MTHFD2L: variants seen among roughly 807,000 people sequenced by gnomAD.
The protein encoded by MTHFD2L is bifunctional methylenetetrahydrofolate dehydrogenase/cyclohydrolase 2, mitochondrial.
MTHFD2L carries 29 observed loss-of-function variants against 34.9 expected under a neutral mutation model. The ratio of observed to expected loss-of-function variants is 0.83; its 90% confidence interval spans 0.62 to 1.13. MTHFD2L has a LOEUF of 1.13. MTHFD2L is among the 50% of genes most tolerant of loss of function. The pLI is 0.00. For missense variants in MTHFD2L, 481 were observed against 446.5 expected, an observed-to-expected ratio of 1.08 and a Z score of -0.70; for synonymous variants, 167 against 155.7, an observed-to-expected ratio of 1.07 and a Z score of -0.54.
intron 6 of MTHFD2L, among the ~76,000 whole-genome samples, chr4:74,229,309 G>A (rs369076958): frequency 1.3e-5 from 2 of 152,140 alleles, no homozygotes; most frequent in South Asian, 4.1e-4. Flanking sequence ...ATAAAGTATT[G>A]CCAGAATGAC....
chr4:74,229,681 C>A (rs922436439), intron 6 of MTHFD2L, among the ~76,000 whole-genome samples: 2 of 152,064 alleles, frequency 1.3e-5, no homozygotes, highest in African/African-American at 4.8e-5. Context: ...TAGTACTACT[C>A]CTACTGGCTT....
chr4:74,127,235 AC>A (rs1722147421), intron 1 of MTHFD2L, among the ~76,000 whole-genome samples: 1 of 152,158 alleles, frequency 6.6e-6, no homozygotes, highest in South Asian at 2.1e-4. Context: ...GATGTACATC[AC>A]CTTAAATACT....
Position 74,174,514 on chromosome 4 carries a change from C to G in MTHFD2L, c.152C>G (p.Ala51Gly), listed in dbSNP as rs1284043241. ...GFRSSGVRHEAIIISGTEMAK... is the reference protein window; with the variant it reads ...GFRSSGVRHEGIIISGTEMAK... ...TGTTTTGCTTTCCACAGACATGAAG[C>G]CATTATTATATCAGGAACCGAAATG... The change falls in exon 2 of 8, where the codon GCC (alanine) becomes GGC (glycine). Residue 51 changes from alanine (A) to glycine (G), a missense_variant. Ala to Gly is a moderately conservative substitution (Grantham distance 60). Coordinates refer to ENST00000325278, the MANE Select transcript of MTHFD2L (RefSeq NM_001144978.3). 6 of 1,538,392 alleles carry G rather than the reference C, an allele frequency of 3.9e-6. No individual in the cohort carries two copies. The highest frequency in any genetic ancestry group is 1.4e-5 in the African/African-American group (1 of 70,840).
chr4:74,282,230 A>G (rs923821805), intron 7 of MTHFD2L, among the ~76,000 whole-genome samples: 1 of 152,068 alleles, frequency 6.6e-6, no homozygotes, highest in African/African-American at 2.4e-5. Context: ...TCTTTGTCAT[A>G]TATTTACCTG....
chr4:74,262,609 A>G (rs1207719997), intron 6 of MTHFD2L, among the ~76,000 whole-genome samples: 2 of 151,998 alleles, frequency 1.3e-5, no homozygotes, highest in Non-Finnish European at 2.9e-5. Context: ...AATGGCTAAT[A>G]CACATGTAAA....
At chr4:74,258,829 A>G (rs1383014338) in intron 6 of MTHFD2L, among the ~76,000 whole-genome samples, 1 of 152,180 alleles carries the variant, frequency 6.6e-6, no homozygotes, top group Non-Finnish European at 1.5e-5. Flanking sequence ...AATATTTTTT[A>G]TTAAGTCAGG....
chr4:74,282,011 A>G (rs1747551943), intron 7 of MTHFD2L, among the ~76,000 whole-genome samples: 1 of 152,078 alleles, frequency 6.6e-6, no homozygotes, highest in Non-Finnish European at 1.5e-5. Context: ...AGTTATCTAG[A>G]TAGTTGAAGT....
intron 5 of MTHFD2L, among the ~76,000 whole-genome samples, chr4:74,211,498 A>G (rs1039151063): frequency 6.6e-6 from 1 of 152,024 alleles, no homozygotes; most frequent in Non-Finnish European, 1.5e-5. Context: ...GTTGATTTGC[A>G]TGTATTGAAC....
At position 74,174,670 on chromosome 4, in the gene MTHFD2L, T is replaced by C. The variant is rs377457739; in HGVS notation, c.308T>C (p.Ile103Thr). 20 of 1,553,770 alleles carry C rather than the reference T, an allele frequency of 1.3e-5. No homozygotes were observed. In the African/African-American group the frequency reaches 2.2e-4, roughly 17 times the overall value. ...AGCCATACATATGTCAGGAATAAGA[T>C]AAGAGCTGCCTCTGCTGTAGGTGGG... ...PASHTYVRNK[I>T]RAASAVGICS... is the part of the protein sequence containing the mutation. Residue 103 changes from isoleucine (I) to threonine (T), a missense_variant, in exon 2 of 8, where the codon ATA (isoleucine) becomes ACA (threonine). By Grantham distance (89) the Ile-to-Thr change is moderately conservative. Transcript: ENST00000325278.
At chr4:74,156,798 A>G (rs1354090930), upstream of MTHFD2L, 1 of 152,046 alleles carries the variant, frequency 6.6e-6, no homozygotes, top group African/African-American at 2.4e-5. Flanking sequence ...GTATTTCCTT[A>G]ATGATAAATG....
At chr4:74,301,647 C>T (rs932054643) in intron 7 of MTHFD2L, 50 bp from the exon 8 acceptor site, 1 of 1,106,974 alleles carries the variant, frequency 9.0e-7, no homozygotes, top group Non-Finnish European at 1.3e-6. Context: ...ATATTAAAAT[C>T]TCAGATATTT....
chr4:74,121,712 T>C (rs954414382), upstream of MTHFD2L, among the ~76,000 whole-genome samples: 2 of 146,818 alleles, frequency 1.4e-5, no homozygotes, highest in Admixed American at 1.4e-4. Context: ...TATTTAATTA[T>C]ATATATGGCG....
chr4:74,264,658 G>A (rs1371610364), intron 6 of MTHFD2L, among the ~76,000 whole-genome samples: 1 of 151,686 alleles, frequency 6.6e-6, no homozygotes, highest in Non-Finnish European at 1.5e-5. Flanking sequence ...TAAGGGCAGT[G>A]AATTTATAGT....
chr4:74,203,117 A>G (rs1428996604), intron 5 of MTHFD2L, among the ~76,000 whole-genome samples: 1 of 152,174 alleles, frequency 6.6e-6, no homozygotes, highest in African/African-American at 2.4e-5. Context: ...CTATGCCTAA[A>G]GAATTAAATA....
At chr4:74,255,648 C>A (rs1337476634) in intron 6 of MTHFD2L, among the ~76,000 whole-genome samples, 3 of 152,124 alleles carry the variant, frequency 2.0e-5, no homozygotes, top group African/African-American at 7.2e-5. Flanking sequence ...TCCCCCCTCT[C>A]TTCCACTTCT....
chr4:74,185,151 CAAA>C (rs1169021073), intron 3 of MTHFD2L, among the ~76,000 whole-genome samples: 19 of 15,976 alleles, frequency 1.2e-3, no homozygotes, highest in Admixed American at 5.0e-3. Context: ...GACTCCATCT[CAAA>C]AAAAAAAAAA....
Position 74,281,505 on chromosome 4 carries a change from C to CCAGTGA in MTHFD2L, c.890_895dup (p.Val297_Thr298dup). On this transcript the variant is annotated inframe_insertion, in exon 7 of 8. Transcript: ENST00000325278. ...TGTGGGTATCAACTATGTCCACGAT[C>CCAGTGA]CAGTGACAGGAAAGACAAAATTAGT... The CCAGTGA allele has an allele frequency of 6.2e-7, 1 of 1,612,496 alleles. No individual in the cohort carries two copies. Among genetic ancestry groups the CCAGTGA allele is most frequent in the South Asian group, 1.1e-5 (1 of 91,018 alleles).
chr4:74,281,464 G>A lies in MTHFD2L; in HGVS notation c.845G>A (p.Gly282Asp). 1 of 1,612,700 alleles carries A rather than the reference G, an allele frequency of 6.2e-7. No individual in the cohort carries two copies. Among genetic ancestry groups the A allele is most frequent in the South Asian group, 1.1e-5 (1 of 91,010 alleles). ...ATTACGTCTGATATGGTTAAAGAAG[G>A]TGCTGCTGTAATTGATGTGGGTATC... is the stretch of plus-strand genomic sequence containing the variant. ...KLITSDMVKE[G>D]AAVIDVGINY... The change falls in exon 7 of 8, where the codon GGT becomes GAT. Residue 282 changes from glycine (G) to aspartate (D), a missense_variant. Physicochemically the swap from Gly to Asp is moderately conservative, Grantham distance 94. Coordinates refer to ENST00000325278, the MANE Select transcript of MTHFD2L (RefSeq NM_001144978.3).
chr4:74,133,377 T>A (rs1722689886), intron 1 of MTHFD2L, among the ~76,000 whole-genome samples: 3 of 152,218 alleles, frequency 2.0e-5, no homozygotes, highest in Admixed American at 2.0e-4. Context: ...AAGTGCTCTG[T>A]TATTATTTCT....
Sources: allele counts gnomAD v4.1 joint callset (sites outside exome capture counted in the v4.1 genomes callset), GRCh38; gene constraint gnomAD v4.1.1; transcripts MANE v1.5; gene names NCBI Gene and HGNC (gene_info 2026-07-23, HGNC 2026-07-21).